AVL9: variants seen among roughly 807,000 people sequenced by gnomAD.
The protein encoded by AVL9 is AVL9 cell migration associated.
In AVL9, 49 loss-of-function variants were observed where a neutral mutation model predicts 79.2. The ratio of observed to expected loss-of-function variants is 0.62; its 90% CI spans 0.49 to 0.79. The LOEUF (loss-of-function observed/expected upper bound fraction) is 0.79. AVL9 is among the 30% of genes least tolerant of loss of function. The pLI, the probability that AVL9 is intolerant of heterozygous loss-of-function variation, is 0.00. For missense variants in AVL9, 682 were observed against 776.8 expected (o/e 0.88, Z 1.45); for synonymous variants, 299 against 280.6 (o/e 1.07, Z -0.65).
intron 1 of AVL9, among the ~76,000 whole-genome samples, chr7:32,540,938 GC>G (rs1562775259): frequency 8.1e-6 from 1 of 123,194 alleles, no homozygotes; most frequent in African/African-American, 3.0e-5. Flanking sequence ...TCGCTCTGTC[GC>G]CCAGGCTGGA....
chr7:32,566,617 A>G (rs10282730), intron 10 of AVL9, among the ~76,000 whole-genome samples: 152,035 of 152,040 alleles, frequency 1, 76,015 homozygotes, highest in Middle Eastern at 1. Context: ...GGTGGCTCAC[A>G]CCTGTAATCC....
intron 5 of AVL9, among the ~76,000 whole-genome samples, chr7:32,551,831 G>A (rs1789842045): frequency 6.6e-6 from 1 of 151,952 alleles, no homozygotes; most frequent in Non-Finnish European, 1.5e-5. Flanking sequence ...TGGACAGCAT[G>A]TTTTCCTCAG....
chr7:32,501,021 C>CA (rs1303867840), intron 1 of AVL9, among the ~76,000 whole-genome samples: 1 of 152,176 alleles, frequency 6.6e-6, no homozygotes, highest in Non-Finnish European at 1.5e-5. Flanking sequence ...CTAGTTCCAC[C>CA]AGTGAGTAAA....
At chr7:32,510,119 G>A (rs1007308952) in intron 1 of AVL9, among the ~76,000 whole-genome samples, 3 of 152,000 alleles carry the variant, frequency 2.0e-5, no homozygotes, top group Non-Finnish European at 4.4e-5. Flanking sequence ...AGATAGGTGA[G>A]CCATCAGGTC....
At position 32,542,148 on chromosome 7, in the gene AVL9, T is replaced by C. The variant is rs1298453207; in HGVS notation, c.94-993T>C. 3.3e-5 allele frequency among the ~76,000 whole-genome samples: 5 copies of C among 150,484 alleles called. No individual in the cohort carries two copies. In the East Asian group the frequency reaches 9.7e-4, roughly 29 times the overall value. Reference sequence around the variant, plus strand: ...AGCAGGGACTGGGTAGCTGGGGTGGTGATATCAAGGGTGGGAGGCAGTCTT... The same window carrying C: ...AGCAGGGACTGGGTAGCTGGGGTGGCGATATCAAGGGTGGGAGGCAGTCTT... On this transcript the variant is annotated intron_variant, in intron 1 of 15. Coordinates refer to ENST00000318709, the MANE Select transcript of AVL9 (RefSeq NM_015060.3).
intron 1 of AVL9, among the ~76,000 whole-genome samples, chr7:32,520,118 A>C (rs1788078082): frequency 6.6e-6 from 1 of 152,222 alleles, no homozygotes; most frequent in Non-Finnish European, 1.5e-5. Flanking sequence ...AAACCATATC[A>C]TTCACAAATA....
chr7:32,544,851 A>T lies in AVL9; in HGVS notation c.300+72A>T, dbSNP rs569736831. Reference sequence around the variant, plus strand: ...TGTTGGACACTTAAACACAGTCTTTATTTTTCAGTGGTGCCTGTAATGTTG... The same window carrying T: ...TGTTGGACACTTAAACACAGTCTTTTTTTTTCAGTGGTGCCTGTAATGTTG... On this transcript the variant is annotated intron_variant, in intron 3 of 15. Coordinates refer to ENST00000318709, the MANE Select transcript of AVL9 (RefSeq NM_015060.3). 4.1e-5 allele frequency: 45 copies of T among 1,091,158 alleles called. 1 individual carries two copies. In the South Asian group the frequency reaches 6.3e-4, roughly 15 times the overall value. The allele number at this position is 1,091,158 out of a possible 1,614,324, so 67.6% of individuals were successfully genotyped here.
chr7:32,552,232 C>A lies in AVL9; in HGVS notation c.466C>A (p.Leu156Ile). ...DFSQISILKE[L>I]YEHMNSSLGG... is the part of the protein sequence containing the mutation. Reference sequence around the variant, plus strand: ...AAATTCAATCTATATTTTATAGGAGCTTTATGAACATATGAATAGTTCCTT... The same window carrying A: ...AAATTCAATCTATATTTTATAGGAGATTTATGAACATATGAATAGTTCCTT... Residue 156 changes from leucine to isoleucine, a missense_variant, in exon 6 of 16, where the codon CTT (leucine) becomes ATT (isoleucine). By Grantham distance (5) the Leu-to-Ile change is conservative. Coordinates refer to ENST00000318709, the MANE Select transcript of AVL9 (RefSeq NM_015060.3). 1 of 1,577,514 alleles carries A rather than the reference C, an allele frequency of 6.3e-7. No individual in the cohort carries two copies.
chr7:32,552,634 C>A (rs1168628573), intron 6 of AVL9, among the ~76,000 whole-genome samples: 2 of 151,996 alleles, frequency 1.3e-5, no homozygotes, highest in East Asian at 3.9e-4. Context: ...CCTTGACCTC[C>A]TGGGCTCAAG....
chr7:32,541,544 A>G (rs1789208464), intron 1 of AVL9, among the ~76,000 whole-genome samples: 1 of 152,152 alleles, frequency 6.6e-6, no homozygotes, highest in Admixed American at 6.5e-5. Context: ...TGCCAACTTC[A>G]TAACATCATC....
chr7:32,548,144 C>CTCTTT (rs1227025763), intron 3 of AVL9, among the ~76,000 whole-genome samples: 12 of 57,576 alleles, frequency 2.1e-4, no homozygotes, highest in African/African-American at 5.4e-4. Flanking sequence ...TTTGTCATCT[C>CTCTTT]TTTTTTCTTT....
At chr7:32,500,085 T>A (rs764383980) in intron 1 of AVL9, among the ~76,000 whole-genome samples, 1 of 152,250 alleles carries the variant, frequency 6.6e-6, no homozygotes, top group East Asian at 1.9e-4. Context: ...AGTAGAATGA[T>A]GTATAATCCT....
chr7:32,511,932 A>G (rs1432175406), intron 1 of AVL9, among the ~76,000 whole-genome samples: 1 of 152,182 alleles, frequency 6.6e-6, no homozygotes, highest in Non-Finnish European at 1.5e-5. Context: ...GTCAGAATGA[A>G]TAACTGAGAT....
chr7:32,503,224 C>T (rs540931188), intron 1 of AVL9, among the ~76,000 whole-genome samples: 5 of 151,124 alleles, frequency 3.3e-5, no homozygotes, highest in Admixed American at 1.3e-4. Context: ...ACTGTAAATC[C>T]CAGCACTTTG....
At chr7:32,510,371 A>T (rs536438709) in intron 1 of AVL9, among the ~76,000 whole-genome samples, 1 of 150,016 alleles carries the variant, frequency 6.7e-6, no homozygotes, top group African/African-American at 2.5e-5. Flanking sequence ...GAGGGAAACC[A>T]TCTCCCCAGG....
At chr7:32,546,085 A>AT (rs1562779099) in intron 3 of AVL9, among the ~76,000 whole-genome samples, 1 of 30,934 alleles carries the variant, frequency 3.2e-5, no homozygotes, top group Non-Finnish European at 8.8e-5. Flanking sequence ...TTTTTTTTTA[A>AT]ATATCTGTAC....
At chr7:32,528,736 C>T (rs1788509632) in intron 1 of AVL9, among the ~76,000 whole-genome samples, 1 of 152,162 alleles carries the variant, frequency 6.6e-6, no homozygotes, top group Non-Finnish European at 1.5e-5. Flanking sequence ...CATAGGCCGG[C>T]GCAGTGGCTC....
chr7:32,503,361 G>T (rs1426413801), intron 1 of AVL9, among the ~76,000 whole-genome samples: 131 of 121,440 alleles, frequency 1.1e-3, no homozygotes, highest in Middle Eastern at 4.1e-3. Flanking sequence ...GATATAGAGA[G>T]ATATATATAT....
chr7:32,573,313 G>A lies in AVL9; in HGVS notation c.1465G>A (p.Asp489Asn), dbSNP rs759785245. Residue 489 changes from aspartate (D) to asparagine (N), a missense_variant, in exon 12 of 16, where the codon GAT (aspartate) becomes AAT (asparagine). Coordinates refer to ENST00000318709, the MANE Select transcript of AVL9 (RefSeq NM_015060.3). The stretch of plus-strand genomic sequence containing the variant: ...AGTGAGGCACGTGACTGAGAATCGG[G>A]ATGACGTCTTCCTAGATGGCACGGG... The part of the protein sequence containing the change: ...YLVRHVTENR[D>N]DVFLDGTGWE... 5.6e-6 allele frequency: 9 copies of A among 1,613,830 alleles called. No individual in the cohort carries two copies. Among genetic ancestry groups the A allele is most frequent in the Non-Finnish European group, 6.8e-6 (8 of 1,179,970 alleles).
Sources: allele counts gnomAD v4.1 joint callset (sites outside exome capture counted in the v4.1 genomes callset), GRCh38; gene constraint gnomAD v4.1.1; transcripts MANE v1.5; gene names NCBI Gene and HGNC (gene_info 2026-07-23, HGNC 2026-07-21).